AMPH: variants seen among roughly 807,000 people sequenced by gnomAD.
The protein encoded by AMPH is amphiphysin (Stiff-Mann syndrome with breast cancer 128kD autoantigen).
Under a neutral mutation model 99.1 loss-of-function variants are expected in AMPH, and 49 were observed. That is an observed-to-expected ratio of 0.49 (90% confidence interval 0.39 to 0.63). AMPH has a LOEUF of 0.63. Among genes scored for constraint, AMPH ranks in the 20% least tolerant of loss-of-function variants. The probability of loss-of-function intolerance (pLI) is 0.00; values close to 1 mark genes in which losing one functional copy is unlikely to be tolerated. For missense variants in AMPH, 759 were observed against 863.4 expected (o/e 0.88, Z 1.52); for synonymous variants, 314 against 317.3 (o/e 0.99, Z 0.11).
chr7:38,390,008 G>C, intron 19 of AMPH, 103 bp from the exon 20 acceptor site: 3 of 921,096 alleles, frequency 3.3e-6, no homozygotes. Flanking sequence ...GAAGATATTT[G>C]CCATATCCCA....
chr7:38,612,328 G>A (rs551852485), intron 1 of AMPH, among the ~76,000 whole-genome samples: 14 of 151,912 alleles, frequency 9.2e-5, no homozygotes, highest in South Asian at 4.2e-4. Context: ...CACCCACCTC[G>A]GCCTCCCAAA....
At chr7:38,499,387 G>T (rs141420027) in intron 3 of AMPH, among the ~76,000 whole-genome samples, 2 of 152,080 alleles carry the variant, frequency 1.3e-5, no homozygotes, top group African/African-American at 4.8e-5. Flanking sequence ...CCCATAGAGG[G>T]GAAGCCACCC....
intron 1 of AMPH, among the ~76,000 whole-genome samples, chr7:38,591,290 CTTTT>C (rs67135369): frequency 1.4e-5 from 2 of 138,744 alleles, no homozygotes; most frequent in Non-Finnish European, 3.1e-5. Context: ...TTTTCTTTTT[CTTTT>C]TTTTTTTTTT....
chr7:38,586,873 G>A (rs1057058121), intron 1 of AMPH, among the ~76,000 whole-genome samples: 1 of 152,196 alleles, frequency 6.6e-6, no homozygotes, highest in Non-Finnish European at 1.5e-5. Flanking sequence ...AGAAACAGAG[G>A]TTTAGAGAGA....
At chr7:38,393,940 C>G in intron 18 of AMPH, 65 bp downstream of exon 18, 1 of 1,536,832 alleles carries the variant, frequency 6.5e-7, no homozygotes, top group Non-Finnish European at 9.0e-7. Context: ...CATGAACCAA[C>G]CAACAGAGCA....
At chr7:38,521,880 C>T (rs1282061401) in intron 2 of AMPH, among the ~76,000 whole-genome samples, 1 of 152,122 alleles carries the variant, frequency 6.6e-6, no homozygotes, top group Admixed American at 6.5e-5. Context: ...TAGGCGCTTC[C>T]CATGTACACT....
chr7:38,461,925 C>T (rs372519067), intron 10 of AMPH, among the ~76,000 whole-genome samples: 1 of 152,242 alleles, frequency 6.6e-6, no homozygotes, highest in South Asian at 2.1e-4. Context: ...AGTTCAACTA[C>T]ATATAGATGG....
intron 1 of AMPH, among the ~76,000 whole-genome samples, chr7:38,600,872 T>C (rs571820061): frequency 1.5e-4 from 23 of 152,320 alleles, no homozygotes; most frequent in African/African-American, 5.5e-4. Context: ...TAAGACACTG[T>C]TATAAAGTGA....
chr7:38,609,613 C>A (rs896423841), intron 1 of AMPH, among the ~76,000 whole-genome samples: 1 of 152,136 alleles, frequency 6.6e-6, no homozygotes, highest in Non-Finnish European at 1.5e-5. Context: ...AGGTGCTAAG[C>A]AGAAAGATCT....
intron 16 of AMPH, among the ~76,000 whole-genome samples, chr7:38,420,491 C>T (rs1280098086): frequency 6.6e-6 from 1 of 152,214 alleles, no homozygotes; most frequent in East Asian, 1.9e-4. Context: ...GCAGTCATTA[C>T]ACACTCAGAG....
At chr7:38,524,537 A>T (rs1790090167) in intron 2 of AMPH, among the ~76,000 whole-genome samples, 1 of 152,184 alleles carries the variant, frequency 6.6e-6, no homozygotes, top group Non-Finnish European at 1.5e-5. Context: ...ACTTTGACAG[A>T]AGGAACTACT....
intron 1 of AMPH, among the ~76,000 whole-genome samples, chr7:38,576,681 T>C (rs550680903): frequency 6.6e-6 from 1 of 152,292 alleles, no homozygotes; most frequent in East Asian, 1.9e-4. Flanking sequence ...ATTTTTATGT[T>C]TTTTTAAAAC....
chr7:38,403,586 C>T (rs1784901664), intron 17 of AMPH, among the ~76,000 whole-genome samples: 2 of 152,202 alleles, frequency 1.3e-5, no homozygotes, highest in South Asian at 4.1e-4. Flanking sequence ...TCTGACTTGG[C>T]AATGATAGGG....
chr7:38,540,505 T>C (rs1248348559), intron 1 of AMPH, among the ~76,000 whole-genome samples: 1 of 151,798 alleles, frequency 6.6e-6, no homozygotes, highest in Admixed American at 6.6e-5. Flanking sequence ...GAATATTTCA[T>C]CTTAATTGCC....
intron 17 of AMPH, among the ~76,000 whole-genome samples, chr7:38,395,549 C>T (rs1350159846): frequency 6.6e-6 from 1 of 152,204 alleles, no homozygotes; most frequent in Admixed American, 6.5e-5. Context: ...CTGACAACAT[C>T]AGCTTGGCAG....
At chr7:38,593,098 A>G (rs571397391) in intron 1 of AMPH, among the ~76,000 whole-genome samples, 1 of 152,336 alleles carries the variant, frequency 6.6e-6, no homozygotes, top group Non-Finnish European at 1.5e-5. Context: ...ACTTCTCTCT[A>G]TATCTTACAA....
At position 38,523,626 on chromosome 7, in the gene AMPH, T is replaced by C. The variant is rs187703880; in HGVS notation, c.150+11305A>G. Among the ~76,000 whole-genome samples the C allele has an allele frequency of 3.0e-4, 46 of 152,214 alleles. No individual in the cohort carries two copies. The East Asian group carries it at 8.5e-3, about 28-fold the overall frequency. On this transcript the variant is annotated intron_variant, in intron 2 of 20. Transcript: ENST00000356264. ...AATCCATAAGTACATGCTGATATAA[T>C]TAATTAATTAAGAAAGAAAAATTTT...
intron 17 of AMPH, among the ~76,000 whole-genome samples, chr7:38,408,107 T>C (rs921881644): frequency 1.3e-5 from 2 of 152,212 alleles, no homozygotes; most frequent in Non-Finnish European, 2.9e-5. Context: ...AAACAAGGAC[T>C]GAAACAGTTT....
rs574155100 is a variant in AMPH at position 38,414,340 on chromosome 7, G to A, written c.1398+3485C>T. Among the ~76,000 whole-genome samples, 7 of 152,242 alleles carry A rather than the reference G, an allele frequency of 4.6e-5. No individual in the cohort carries two copies. The East Asian group carries it at 1.3e-3, about 29-fold the overall frequency. On this transcript the variant is annotated intron_variant, in intron 17 of 20. Coordinates refer to ENST00000356264, the MANE Select transcript of AMPH (RefSeq NM_001635.4). ...AGGATTCCCCAACAATTCTAAGAAC[G>A]TCTTTACCACAGTCTTCCTTACATT...
Sources: allele counts gnomAD v4.1 joint callset (sites outside exome capture counted in the v4.1 genomes callset), GRCh38; gene constraint gnomAD v4.1.1; transcripts MANE v1.5; gene names NCBI Gene and HGNC (gene_info 2026-07-23, HGNC 2026-07-21).